The following SLC27A6 variants were observed in gnomAD, a reference collection of about 807,000 sequenced individuals.
The protein encoded by SLC27A6 is long-chain fatty acid transport protein 6.
A neutral mutation model predicts 63.9 loss-of-function variants in SLC27A6; 74 were observed. The observed-to-expected ratio is 1.16, with a 90% CI of 0.96 to 1.40. The LOEUF is 1.40. SLC27A6 is among the 40% of genes most tolerant of loss of function. The probability of loss-of-function intolerance (pLI) is 0.00; values close to 1 mark genes in which losing one functional copy is unlikely to be tolerated. For synonymous variants in SLC27A6, 287 were observed against 260.8 expected, an observed-to-expected ratio of 1.10 and a Z score of -0.97; for missense variants, 794 against 732.9, an observed-to-expected ratio of 1.08 and a Z score of -0.96.
chr5:128,972,150 T>C (rs1476605282), intron 1 of SLC27A6, among the ~76,000 whole-genome samples: 1 of 152,206 alleles, frequency 6.6e-6, no homozygotes, highest in Non-Finnish European at 1.5e-5. Flanking sequence ...TCTGATGGGC[T>C]TCCCTTTGTG....
At chr5:128,995,269 G>A (rs1352769288) in intron 4 of SLC27A6, among the ~76,000 whole-genome samples, 1 of 152,128 alleles carries the variant, frequency 6.6e-6, no homozygotes, top group Non-Finnish European at 1.5e-5. Flanking sequence ...TCAACAGTTA[G>A]CCATATCTAG....
At chr5:129,023,554 T>C (rs31271) in intron 5 of SLC27A6, 66 bp from the exon 6 acceptor site, 877,310 of 1,156,744 alleles carry the variant, frequency 0.76, 334,876 homozygotes, top group East Asian at 0.97. Flanking sequence ...AAATTGCTTG[T>C]ACAAGTAACT....
intron 4 of SLC27A6, 140 bp downstream of exon 4, chr5:128,990,604 G>C (rs1307711015): frequency 1.1e-6 from 1 of 871,974 alleles, no homozygotes; most frequent in Non-Finnish European, 1.7e-6. Context: ...GATAGTGGCA[G>C]GTGCTACCTA....
chr5:129,000,555 G>C (rs1751300168), intron 4 of SLC27A6, among the ~76,000 whole-genome samples: 1 of 152,096 alleles, frequency 6.6e-6, no homozygotes, highest in African/African-American at 2.4e-5. Flanking sequence ...GTCCAACAAG[G>C]GAATTTGGAT....
intron 5 of SLC27A6, among the ~76,000 whole-genome samples, chr5:129,019,243 G>A (rs137865511): frequency 0.021 from 3,146 of 152,012 alleles, 48 homozygotes; most frequent in Middle Eastern, 0.048. Flanking sequence ...CAACATATTT[G>A]AGAGACAAAC....
intron 4 of SLC27A6, among the ~76,000 whole-genome samples, chr5:129,013,887 C>A (rs551955503): frequency 6.6e-6 from 1 of 152,082 alleles, no homozygotes; most frequent in Non-Finnish European, 1.5e-5. Context: ...CTTTAATCAT[C>A]ATATTTCAGA....
intron 1 of SLC27A6, among the ~76,000 whole-genome samples, chr5:128,968,858 T>C (rs1750017793): frequency 6.6e-6 from 1 of 152,214 alleles, no homozygotes; most frequent in South Asian, 2.1e-4. Flanking sequence ...TCCTGAATGG[T>C]ATTGCCTAGA....
At chr5:128,984,059 A>G (rs564802075) in intron 1 of SLC27A6, among the ~76,000 whole-genome samples, 2 of 152,318 alleles carry the variant, frequency 1.3e-5, no homozygotes, top group South Asian at 4.1e-4. Context: ...AGCATATTAT[A>G]GAAATAAGGA....
intron 5 of SLC27A6, among the ~76,000 whole-genome samples, chr5:129,019,227 T>C (rs1487878755): frequency 6.6e-6 from 1 of 152,052 alleles, no homozygotes; most frequent in African/African-American, 2.4e-5. Flanking sequence ...ATAAAAAATT[T>C]AGTGACAACA....
At chr5:129,025,693 T>C (rs1443722801) in intron 6 of SLC27A6, among the ~76,000 whole-genome samples, 1 of 152,022 alleles carries the variant, frequency 6.6e-6, no homozygotes, top group Non-Finnish European at 1.5e-5. Context: ...ATGATGGTGT[T>C]GGTGATATGA....
intron 4 of SLC27A6, among the ~76,000 whole-genome samples, chr5:129,006,971 T>C (rs1751561966): frequency 6.6e-6 from 1 of 152,146 alleles, no homozygotes; most frequent in African/African-American, 2.4e-5. Flanking sequence ...CATCATTATG[T>C]ACAGCAAAAA....
Position 129,015,887 on chromosome 5 carries a change from A to G in SLC27A6, c.972A>G (p.Arg324=). ...AGTAAAACATTTTCTTCTAACAGAG[A>G]GAAGGAGAAAAGGATCATAAGGTGC... ...LCRYLCKQSK[R]EGEKDHKVRL... Residue 324 remains arginine (R), a splice_region_variant and synonymous_variant, in exon 5 of 10, where the codon AGA becomes AGG. Transcript: ENST00000262462. 1.3e-6 allele frequency: 2 copies of G among 1,573,994 alleles called. No individual in the cohort carries two copies. Among genetic ancestry groups the G allele is most frequent in the East Asian group, 2.3e-5 (1 of 43,572 alleles).
At chr5:128,968,004 A>C (rs1020204502) in intron 1 of SLC27A6, among the ~76,000 whole-genome samples, 2 of 152,024 alleles carry the variant, frequency 1.3e-5, no homozygotes, top group African/African-American at 4.8e-5. Context: ...GAGTGAGAAC[A>C]TGTGGTGTTT....
chr5:129,003,578 G>A (rs768891873), intron 4 of SLC27A6, among the ~76,000 whole-genome samples: 8 of 152,072 alleles, frequency 5.3e-5, no homozygotes, highest in Admixed American at 1.3e-4. Context: ...AGCTCATGCC[G>A]ATAATCCCAG....
At chr5:129,000,331 T>C (rs3851465) in intron 4 of SLC27A6, among the ~76,000 whole-genome samples, 35,046 of 152,092 alleles carry the variant, frequency 0.23, 4,153 homozygotes, top group Middle Eastern at 0.29. Context: ...AGTTCCATTA[T>C]GTATTATTAT....
intron 6 of SLC27A6, among the ~76,000 whole-genome samples, chr5:129,026,211 A>G (rs1053800317): frequency 1.3e-5 from 2 of 152,114 alleles, no homozygotes. Context: ...CCGCATGAAC[A>G]CTGCATCACT....
chr5:128,980,093 T>TC (rs1750531552), intron 1 of SLC27A6, among the ~76,000 whole-genome samples: 1 of 152,202 alleles, frequency 6.6e-6, no homozygotes, highest in African/African-American at 2.4e-5. Flanking sequence ...TCTGTTGCTC[T>TC]CCCTTCCAGG....
At chr5:128,971,386 G>T (rs1399468389) in intron 1 of SLC27A6, among the ~76,000 whole-genome samples, 1 of 152,008 alleles carries the variant, frequency 6.6e-6, no homozygotes, top group Non-Finnish European at 1.5e-5. Flanking sequence ...TTATTGTTTG[G>T]GGGTCTAAGT....
chr5:128,983,378 C>T (rs1226969444), intron 1 of SLC27A6, among the ~76,000 whole-genome samples: 5 of 150,460 alleles, frequency 3.3e-5, no homozygotes, highest in South Asian at 2.1e-4. Context: ...CTGCCACCTC[C>T]GCCTCCTGGG....
Sources: gnomAD v4.1 joint callset for allele counts (sites outside exome capture counted in the v4.1 genomes callset) on GRCh38, gnomAD v4.1.1 for gene constraint, MANE v1.5 for transcripts, NCBI Gene and HGNC (gene_info 2026-07-23, HGNC 2026-07-21) for gene names.